ANO4: variants seen among roughly 807,000 people sequenced by gnomAD.
ANO4 encodes anoctamin-4.
A neutral mutation model predicts 141.9 loss-of-function variants in ANO4; 69 were observed. That is an observed-to-expected ratio of 0.49 (90% confidence interval 0.40 to 0.59). The LOEUF (loss-of-function observed/expected upper bound fraction) is 0.59, where lower values mean the gene tolerates loss of function less well. ANO4 is among the 20% of genes least tolerant of loss of function. The pLI is 0.00. For missense variants in ANO4, 894 were observed against 1,162.2 expected (o/e 0.77, Z 3.36); for synonymous variants, 350 against 394.3 (o/e 0.89, Z 1.33).
chr12:100,884,243 T>C (rs1454924674), intron 1 of ANO4, among the ~76,000 whole-genome samples: 1 of 152,228 alleles, frequency 6.6e-6, no homozygotes, highest in Non-Finnish European at 1.5e-5. Context: ...AGTAAATAAT[T>C]AGTGGCTTGC....
intron 1 of ANO4, among the ~76,000 whole-genome samples, chr12:100,830,127 A>G (rs1565914783): frequency 1.3e-5 from 2 of 152,110 alleles, no homozygotes; most frequent in Non-Finnish European, 2.9e-5. Context: ...TATACATGAA[A>G]GCAGTTTATG....
At chr12:101,029,094 G>A (rs543228399) in intron 9 of ANO4, among the ~76,000 whole-genome samples, 6 of 152,250 alleles carry the variant, frequency 3.9e-5, no homozygotes, top group South Asian at 2.1e-4. Flanking sequence ...CATCATAAGC[G>A]AAAGAGAAAT....
chr12:101,074,759 A>G (rs2048957800), intron 14 of ANO4, among the ~76,000 whole-genome samples: 1 of 152,232 alleles, frequency 6.6e-6, no homozygotes, highest in Admixed American at 6.5e-5. Context: ...AGCATTCAGA[A>G]AGTGTAGCTG....
intron 10 of ANO4, chr12:101,038,901 A>G (rs2047306110): frequency 6.6e-6 from 1 of 151,360 alleles, no homozygotes; most frequent in South Asian, 2.1e-4. Flanking sequence ...ATATTGAGAC[A>G]TTGTCTCTAG....
In ANO4 at chr12:100,826,223, T is replaced by C. The variant is rs904109315; in HGVS notation, c.-141+31196T>C. On this transcript the variant is annotated intron_variant, in intron 1 of 27. Coordinates refer to ENST00000392977, the MANE Select transcript of ANO4 (RefSeq NM_001286615.2). ...TGAAAAATTATGAAAGACGGAAACA[T>C]TCAGAAAGCAGATTTTCTGAAATTG... Among the ~76,000 whole-genome samples the C allele has an allele frequency of 2.6e-5, 4 of 151,914 alleles. No individual in the cohort carries two copies. The South Asian group carries it at 8.3e-4, about 32-fold the overall frequency.
intron 3 of ANO4, among the ~76,000 whole-genome samples, chr12:100,744,016 A>G (rs1246236244): frequency 4.6e-5 from 7 of 152,072 alleles, no homozygotes; most frequent in Admixed American, 4.6e-4. Flanking sequence ...CTATATCCCC[A>G]GCTGATCCTC....
rs117687258 is a variant in ANO4, at chr12:100,907,693, C to T, written c.55+5853C>T. Among the ~76,000 whole-genome samples, 558 of 152,332 alleles carry T rather than the reference C, an allele frequency of 3.7e-3. 1 individual carries two copies. The highest frequency in any genetic ancestry group is 0.01 in the Middle Eastern group (3 of 294). On this transcript the variant is annotated intron_variant, in intron 2 of 27. Coordinates refer to ENST00000392977, the MANE Select transcript of ANO4 (RefSeq NM_001286615.2). ...AAATCTTAACTCTTCTTTCATATGA[C>T]AATCCTTCAGTTGTTTAAGAAACTC...
rs1034845898 is a variant in ANO4, at chr12:100,982,960, G to A, written c.603-4579G>A. Among the ~76,000 whole-genome samples the A allele has an allele frequency of 4.6e-5, 7 of 152,358 alleles. 1 individual carries two copies. In the East Asian group the frequency reaches 7.7e-4, roughly 17 times the overall value. On this transcript the variant is annotated intron_variant, in intron 7 of 27. Transcript: ENST00000392977. The stretch of plus-strand genomic sequence containing the variant: ...AAGGTTAGGTGAGGATAAAGGGCTT[G>A]TCCCAGGCCACACTGATGTATGACC...
At chr12:100,966,836 TATAC>T (rs1030392353) in intron 5 of ANO4, among the ~76,000 whole-genome samples, 29 of 121,268 alleles carry the variant, frequency 2.4e-4, no homozygotes, top group African/African-American at 9.8e-4. Flanking sequence ...TACACATATA[TATAC>T]ACACACACAT....
At chr12:100,787,092 T>G (rs1593329663) in intron 3 of ANO4, among the ~76,000 whole-genome samples, 1 of 152,284 alleles carries the variant, frequency 6.6e-6, no homozygotes, top group Non-Finnish European at 1.5e-5. Flanking sequence ...AGAGTTTATC[T>G]CTTGGGATAC....
At chr12:100,948,577 T>A (rs1468122874) in intron 5 of ANO4, among the ~76,000 whole-genome samples, 1 of 152,200 alleles carries the variant, frequency 6.6e-6, no homozygotes, top group East Asian at 1.9e-4. Flanking sequence ...ATGACTGATA[T>A]AAAAGCTTTT....
chr12:100,976,788 G>A (rs2044213541), intron 7 of ANO4, among the ~76,000 whole-genome samples: 1 of 152,198 alleles, frequency 6.6e-6, no homozygotes, highest in South Asian at 2.1e-4. Flanking sequence ...AAAACCTGAA[G>A]GAAACACAGC....
At chr12:100,977,412 G>A (rs570882955) in intron 7 of ANO4, among the ~76,000 whole-genome samples, 1 of 152,174 alleles carries the variant, frequency 6.6e-6, no homozygotes, top group Non-Finnish European at 1.5e-5. Context: ...GGGTCCAGGT[G>A]TGGTGGCACA....
intron 1 of ANO4, among the ~76,000 whole-genome samples, chr12:100,861,613 C>T (rs751099784): frequency 3.9e-5 from 6 of 152,174 alleles, no homozygotes; most frequent in Non-Finnish European, 5.9e-5. Flanking sequence ...CCATATACTA[C>T]TGTAGACTTT....
At chr12:101,042,775 T>G (rs891383931) in intron 12 of ANO4, among the ~76,000 whole-genome samples, 1 of 152,232 alleles carries the variant, frequency 6.6e-6, no homozygotes, top group African/African-American at 2.4e-5. Context: ...TCACTTTTTT[T>G]CTTAGCTGAT....
At chr12:100,988,683 C>T (rs943840534) in intron 8 of ANO4, among the ~76,000 whole-genome samples, 1 of 151,660 alleles carries the variant, frequency 6.6e-6, no homozygotes, top group African/African-American at 2.4e-5. Context: ...CCAGCCTGAC[C>T]AACATGGTGA....
chr12:100,888,208 G>A (rs979842607), intron 1 of ANO4, among the ~76,000 whole-genome samples: 1 of 152,194 alleles, frequency 6.6e-6, no homozygotes, highest in African/African-American at 2.4e-5. Flanking sequence ...TGTTCCAGTT[G>A]ATTTATAGGA....
rs141727311 is a variant in ANO4 at position 100,928,401 on chromosome 12, C to G, written c.160+6071C>G. On this transcript the variant is annotated intron_variant, in intron 3 of 27. Coordinates refer to ENST00000392977, the MANE Select transcript of ANO4 (RefSeq NM_001286615.2). ...GTTGACTGCCACCTTTGTCTTTATT[C>G]CTCAATCATTCATTCTGTCTGGGAA... Among the ~76,000 whole-genome samples the G allele has an allele frequency of 6.9e-4, 105 of 152,182 alleles. 1 individual carries two copies. The East Asian group carries it at 0.017, about 25-fold the overall frequency.
rs527460499 is a variant in ANO4, at chr12:101,054,634, G to A, written c.1312+6233G>A. 1.4e-4 allele frequency among the ~76,000 whole-genome samples: 21 copies of A among 152,288 alleles called. No homozygotes were observed. The East Asian group carries it at 3.5e-3, about 25-fold the overall frequency. On this transcript the variant is annotated intron_variant, in intron 14 of 27. Coordinates refer to ENST00000392977, the MANE Select transcript of ANO4 (RefSeq NM_001286615.2). ...CCTGCGTCAGCCTCTCGAGTAGCTG[G>A]GATTACAGGCGCCCGCCACCACGCC...
Sources: allele counts gnomAD v4.1 joint callset (sites outside exome capture counted in the v4.1 genomes callset), GRCh38; gene constraint gnomAD v4.1.1; transcripts MANE v1.5; gene names NCBI Gene and HGNC (gene_info 2026-07-23, HGNC 2026-07-21).